The following BLTP3B variants were observed in gnomAD, a reference collection of about 807,000 sequenced individuals.
BLTP3B encodes UHRF1 (ICBP90) binding protein 1-like.
the BLTP3B span, among the ~76,000 whole-genome samples, chr12:100,068,614 C>T: frequency 1.3e-5 from 2 of 152,150 alleles, no homozygotes; most frequent in African/African-American, 4.8e-5. Flanking sequence ...GGACTAATAT[C>T]CAGAAGCTAC....
the BLTP3B span, among the ~76,000 whole-genome samples, chr12:100,071,832 T>C: frequency 3.9e-5 from 6 of 152,216 alleles, no homozygotes; most frequent in African/African-American, 4.8e-5. Flanking sequence ...TGAAGTTATA[T>C]AGCTGACATA....
the BLTP3B span, among the ~76,000 whole-genome samples, chr12:100,136,326 AT>A: frequency 2.4e-4 from 37 of 151,996 alleles, no homozygotes; most frequent in Non-Finnish European, 3.8e-4. Flanking sequence ...TAGCAATAAA[AT>A]TTTTTTTATT....
chr12:100,139,269 T>C, the BLTP3B span, among the ~76,000 whole-genome samples: 3 of 152,370 alleles, frequency 2.0e-5, no homozygotes, highest in East Asian at 1.9e-4. Flanking sequence ...TTAAAGAATC[T>C]GTTAATCTCT....
chr12:100,048,113 G>A, the BLTP3B span: 2 of 1,612,912 alleles, frequency 1.2e-6, no homozygotes, highest in South Asian at 1.1e-5. Flanking sequence ...AGTAAAGAGT[G>A]TATTACAGCA....
the BLTP3B span, chr12:100,142,805 G>A: frequency 4.4e-5 from 43 of 971,522 alleles, 1 homozygote; most frequent in Non-Finnish European, 5.9e-5. Context: ...CCGAGAACCC[G>A]GAGCATCACG....
chr12:100,107,883 T>C, the BLTP3B span, among the ~76,000 whole-genome samples: 1 of 152,098 alleles, frequency 6.6e-6, no homozygotes, highest in Non-Finnish European at 1.5e-5. Context: ...TACAGGCGCA[T>C]GTGCTACCAT....
chr12:100,107,943 T>C, the BLTP3B span, among the ~76,000 whole-genome samples: 244 of 152,206 alleles, frequency 1.6e-3, no homozygotes, highest in Non-Finnish European at 2.7e-3. Flanking sequence ...AGTCTCATTA[T>C]GTTACCCAGG....
chr12:100,104,991 A>G, the BLTP3B span, among the ~76,000 whole-genome samples: 2 of 152,110 alleles, frequency 1.3e-5, no homozygotes, highest in Non-Finnish European at 2.9e-5. Context: ...ATCATAGATG[A>G]CATAAGCAAA....
the BLTP3B span, among the ~76,000 whole-genome samples, chr12:100,116,473 A>G: frequency 5.3e-5 from 8 of 150,332 alleles, no homozygotes; most frequent in Admixed American, 2.0e-4. Flanking sequence ...AAAAGAAAAG[A>G]AAAAAAAAGG....
chr12:100,071,111 A>C, the BLTP3B span, among the ~76,000 whole-genome samples: 4 of 152,192 alleles, frequency 2.6e-5, no homozygotes, highest in Admixed American at 2.6e-4. Context: ...CTCTGATAAC[A>C]AAACCTATTT....
chr12:100,076,943 G>GA, the BLTP3B span, among the ~76,000 whole-genome samples: 1 of 152,048 alleles, frequency 6.6e-6, no homozygotes, highest in South Asian at 2.1e-4. Context: ...TTTGTGTTTG[G>GA]TGTGGTTGCG....
At chr12:100,060,093 TC>T in the BLTP3B span, 1 of 1,393,436 alleles carries the variant, frequency 7.2e-7, no homozygotes, top group Non-Finnish European at 9.6e-7. Flanking sequence ...TGGTTCTAAA[TC>T]TTCCCTGAGA....
the BLTP3B span, among the ~76,000 whole-genome samples, chr12:100,133,304 A>G: frequency 6.6e-6 from 1 of 152,186 alleles, no homozygotes; most frequent in Non-Finnish European, 1.5e-5. Context: ...ACCCAGCCCC[A>G]TAATCTTTTA....
At chr12:100,050,969 C>G in the BLTP3B span, 2 of 1,422,814 alleles carry the variant, frequency 1.4e-6, no homozygotes, top group South Asian at 2.8e-5. Context: ...GAATTGCCCA[C>G]CATCTAAGAA....
At chr12:100,056,994 C>T in the BLTP3B span, among the ~76,000 whole-genome samples, 2 of 152,158 alleles carry the variant, frequency 1.3e-5, no homozygotes, top group African/African-American at 2.4e-5. Context: ...CCTTCTAAGT[C>T]ATTTCTAGCA....
the BLTP3B span, chr12:100,058,249 T>C: frequency 0.062 from 99,542 of 1,613,094 alleles, 3,356 homozygotes; most frequent in Middle Eastern, 0.12. Flanking sequence ...TAGTTTAAGA[T>C]ACTACTTGAA....
the BLTP3B span, among the ~76,000 whole-genome samples, chr12:100,076,375 C>T: frequency 2.0e-5 from 3 of 147,554 alleles, no homozygotes; most frequent in South Asian, 6.4e-4. Flanking sequence ...CTTATATAAA[C>T]TGCCTCAGCA....
the BLTP3B span, among the ~76,000 whole-genome samples, chr12:100,083,929 C>T: frequency 7.2e-5 from 11 of 152,148 alleles, no homozygotes; most frequent in Admixed American, 2.0e-4. Context: ...TGGCTCACGC[C>T]TGTAATCCCA....
the BLTP3B span, among the ~76,000 whole-genome samples, chr12:100,131,023 GA>G: frequency 7.3e-6 from 1 of 136,318 alleles, no homozygotes; most frequent in Non-Finnish European, 1.6e-5. Flanking sequence ...GAGAGAGAGA[GA>G]GAGAGAGAGA....
Sources: gnomAD v4.1 joint callset for allele counts (sites outside exome capture counted in the v4.1 genomes callset) on GRCh38, gnomAD v4.1.1 for gene constraint, MANE v1.5 for transcripts, NCBI Gene and HGNC (gene_info 2026-07-23, HGNC 2026-07-21) for gene names.